ALK: variants seen among roughly 807,000 people sequenced by gnomAD.
ALK encodes the protein ALK receptor tyrosine kinase.
ALK carries 74 observed loss-of-function variants against 163.1 expected under a neutral mutation model. The observed-to-expected ratio is 0.45, with a 90% CI of 0.38 to 0.55. The LOEUF is 0.55. Among genes scored for constraint, ALK ranks in the 20% least tolerant of loss-of-function variants. ALK has a pLI of 0.00. For synonymous variants in ALK, 960 were observed against 843.2 expected (o/e 1.14, Z -2.40); for missense variants, 2,063 against 2,105.3 (o/e 0.98, Z 0.39).
At chr2:29,486,497 C>G (rs1671779319) in intron 4 of ALK, among the ~76,000 whole-genome samples, 1 of 152,172 alleles carries the variant, frequency 6.6e-6, no homozygotes, top group African/African-American at 2.4e-5. Flanking sequence ...ATCCCCTGGA[C>G]CATAACTTCA....
intron 3 of ALK, among the ~76,000 whole-genome samples, chr2:29,595,319 A>ATTTTTT (rs10641464): frequency 3.2e-5 from 4 of 123,972 alleles, no homozygotes; most frequent in African/African-American, 6.4e-5. Flanking sequence ...GTCTTACTGG[A>ATTTTTT]TTTTTTTTTT....
At chr2:29,705,264 TA>T (rs1678868673) in intron 2 of ALK, among the ~76,000 whole-genome samples, 1 of 55,796 alleles carries the variant, frequency 1.8e-5, no homozygotes, top group Non-Finnish European at 3.3e-5. Context: ...TATATATATA[TA>T]TATATATATA....
intron 1 of ALK, among the ~76,000 whole-genome samples, chr2:29,764,421 G>A (rs934037817): frequency 2.6e-5 from 4 of 152,188 alleles, no homozygotes; most frequent in Non-Finnish European, 2.9e-5. Context: ...CATGGTAGGA[G>A]TATTTACACC....
At chr2:29,739,116 G>A (rs868720768) in intron 1 of ALK, among the ~76,000 whole-genome samples, 3 of 151,608 alleles carry the variant, frequency 2.0e-5, no homozygotes, top group Middle Eastern at 3.4e-3. Context: ...GCACCCATCT[G>A]TAGTTCTAGC....
intron 1 of ALK, among the ~76,000 whole-genome samples, chr2:29,830,960 AG>A (rs1665366415): frequency 9.3e-5 from 1 of 10,768 alleles, no homozygotes; most frequent in African/African-American, 2.4e-4. Flanking sequence ...GAAGAAAAGA[AG>A]AAGAAGAAGA....
chr2:29,516,152 A>G (rs926483118), intron 4 of ALK, among the ~76,000 whole-genome samples: 2 of 152,172 alleles, frequency 1.3e-5, no homozygotes, highest in African/African-American at 4.8e-5. Flanking sequence ...CTAAGAATAC[A>G]TTATGTACAT....
At chr2:29,334,007 A>G (rs929724515) in intron 5 of ALK, among the ~76,000 whole-genome samples, 12 of 152,148 alleles carry the variant, frequency 7.9e-5, no homozygotes, top group Non-Finnish European at 1.5e-4. Flanking sequence ...TGGGATCAGT[A>G]GGTCACATGT....
At chr2:29,263,835 G>A (rs528643246) in intron 11 of ALK, among the ~76,000 whole-genome samples, 1 of 152,136 alleles carries the variant, frequency 6.6e-6, no homozygotes, top group Non-Finnish European at 1.5e-5. Context: ...TCACTTCTAG[G>A]GCCACTGAAT....
chr2:29,691,649 A>T (rs1399917501), intron 3 of ALK, among the ~76,000 whole-genome samples: 1 of 152,206 alleles, frequency 6.6e-6, no homozygotes, highest in African/African-American at 2.4e-5. Flanking sequence ...ATGCTAAAGA[A>T]TGCTGAGAAG....
chr2:29,370,759 G>A (rs1023004548), intron 5 of ALK, among the ~76,000 whole-genome samples: 1 of 152,098 alleles, frequency 6.6e-6, no homozygotes, highest in Non-Finnish European at 1.5e-5. Flanking sequence ...CACAGAGCCC[G>A]TGCCCACCTT....
At chr2:29,245,132 G>A (rs1482236298) in intron 12 of ALK, among the ~76,000 whole-genome samples, 4 of 123,604 alleles carry the variant, frequency 3.2e-5, no homozygotes, top group African/African-American at 9.8e-5. Flanking sequence ...CAGTTGGAGC[G>A]GTATGGCTCA....
intron 4 of ALK, among the ~76,000 whole-genome samples, chr2:29,523,502 G>A (rs1322990533): frequency 6.6e-6 from 1 of 152,170 alleles, no homozygotes; most frequent in Non-Finnish European, 1.5e-5. Flanking sequence ...CATGAACTAT[G>A]AGTGAATTTC....
intron 1 of ALK, among the ~76,000 whole-genome samples, chr2:29,841,853 GCCAATAACTGTT>G (rs1665709779): frequency 6.6e-6 from 1 of 152,108 alleles, no homozygotes; most frequent in Non-Finnish European, 1.5e-5. Context: ...GGAAAACTTA[GCCAATAACTGTT>G]CCTTGACCCT....
At chr2:29,665,929 GAACT>G (rs1677499661) in intron 3 of ALK, among the ~76,000 whole-genome samples, 1 of 151,854 alleles carries the variant, frequency 6.6e-6, no homozygotes, top group African/African-American at 2.4e-5. Context: ...TAATTAAATA[GAACT>G]AACCCTTGAC....
intron 3 of ALK, among the ~76,000 whole-genome samples, chr2:29,636,378 AAAG>A (rs1329140168): frequency 1.3e-5 from 2 of 151,818 alleles, no homozygotes; most frequent in African/African-American, 4.8e-5. Context: ...AAAGAAAAGA[AAAG>A]AAAGATAAAG....
intron 1 of ALK, among the ~76,000 whole-genome samples, chr2:29,846,468 T>C (rs760650160): frequency 6.6e-6 from 1 of 152,248 alleles, no homozygotes; most frequent in Non-Finnish European, 1.5e-5. Context: ...CAAGACCTTG[T>C]CTAGGATGAT....
At chr2:29,636,635 A>T (rs1676540203) in intron 3 of ALK, among the ~76,000 whole-genome samples, 1 of 152,224 alleles carries the variant, frequency 6.6e-6, no homozygotes, top group Non-Finnish European at 1.5e-5. Context: ...CTCTGCAAAA[A>T]GATCCTGTTT....
At chr2:29,425,493 C>T (rs2148070252) in intron 4 of ALK, among the ~76,000 whole-genome samples, 1 of 152,314 alleles carries the variant, frequency 6.6e-6, no homozygotes, top group East Asian at 1.9e-4. Context: ...GTCTCTACCT[C>T]AGGCATGTCA....
At chr2:29,292,428 A>G (rs1272494194) in intron 9 of ALK, among the ~76,000 whole-genome samples, 1 of 152,236 alleles carries the variant, frequency 6.6e-6, no homozygotes, top group East Asian at 1.9e-4. Flanking sequence ...GAGACTGACA[A>G]TTAGAATCAG....
Sources: allele counts gnomAD v4.1 joint callset (sites outside exome capture counted in the v4.1 genomes callset), GRCh38; gene constraint gnomAD v4.1.1; transcripts MANE v1.5; gene names NCBI Gene and HGNC (gene_info 2026-07-23, HGNC 2026-07-21).